The following EXOSC10 variants were observed in gnomAD, a reference collection of about 807,000 sequenced individuals.
EXOSC10 encodes the protein exosome complex component 10.
In EXOSC10, 94 loss-of-function variants were observed where a neutral mutation model predicts 126.6. That is an observed-to-expected ratio of 0.74 (90% CI 0.63 to 0.88). The LOEUF is 0.88. EXOSC10 is among the 40% of genes least tolerant of loss of function. The pLI is 0.00. For missense variants in EXOSC10, 1,041 were observed against 1,100.5 expected, an observed-to-expected ratio of 0.95 and a Z score of 0.77; for synonymous variants, 395 against 400.8, an observed-to-expected ratio of 0.99 and a Z score of 0.17.
At chr1:11,074,091 G>T in intron 18 of EXOSC10, 83 bp from the exon 19 acceptor site, 1 of 1,444,432 alleles carries the variant, frequency 6.9e-7, no homozygotes, top group Non-Finnish European at 9.7e-7. Flanking sequence ...ATGGGGGGTT[G>T]CTGGTGCCTT....
intron 2 of EXOSC10, among the ~76,000 whole-genome samples, chr1:11,096,802 A>G (rs1641123654): frequency 1.3e-5 from 2 of 152,240 alleles, no homozygotes; most frequent in South Asian, 2.1e-4. Flanking sequence ...GATGAAACCA[A>G]TAAAACTTGC....
Position 11,098,154 on chromosome 1 carries a change from A to C in EXOSC10, c.114T>G (p.Phe38Leu), listed in dbSNP as rs1641221233. Residue 38 changes from phenylalanine (F) to leucine (L), a missense_variant and splice_region_variant, in exon 2 of 25, where the codon TTT (phenylalanine) becomes TTG (leucine). Around this residue, in one of 3 missense-constraint regions of EXOSC10, gnomAD observed 645 missense variants for 656.3 expected, o/e 0.98. Transcript: ENST00000376936. ...TGACTGCCACCACGGACCCAAGAGC[A>C]AACTGTCAAAAACAAGAAAAGATGG... The part of the protein sequence containing the change: ...GFPDADSFVK[F>L]ALGSVVAVTK... 6.3e-7 allele frequency: 1 copy of C among 1,589,518 alleles called. No homozygotes were observed. Among genetic ancestry groups the C allele is most frequent in the Non-Finnish European group, 8.5e-7 (1 of 1,173,540 alleles).
rs146752209 is a variant in EXOSC10, at chr1:11,086,533, G to A, written c.1089+915C>T. ...ATTTTTCTTTATTAGTCTTGCTAGCGGTCTATCAATTCCAAAATTGACCAC... is the reference window on the plus strand; with the variant it reads ...ATTTTTCTTTATTAGTCTTGCTAGCAGTCTATCAATTCCAAAATTGACCAC... On this transcript the variant is annotated intron_variant, in intron 9 of 24. Coordinates refer to ENST00000376936, the MANE Select transcript of EXOSC10 (RefSeq NM_001001998.3). Among the ~76,000 whole-genome samples the A allele has an allele frequency of 3.5e-4, 53 of 151,908 alleles. 1 individual carries two copies. Among genetic ancestry groups the A allele is most frequent in the African/African-American group, 7.0e-4 (29 of 41,396 alleles).
At position 11,087,786 on chromosome 1, in the gene EXOSC10, C is replaced by G; in HGVS notation, c.945+14G>C. On this transcript the variant is annotated intron_variant, in intron 8 of 24. Coordinates refer to ENST00000376936, the MANE Select transcript of EXOSC10 (RefSeq NM_001001998.3). Reference sequence around the variant, plus strand: ...AAAATGTAAAAATTTTACCCAGGGTCATTTATAAGATACCTCCAAGTCAAC... The same window carrying G: ...AAAATGTAAAAATTTTACCCAGGGTGATTTATAAGATACCTCCAAGTCAAC... 1 of 1,595,524 alleles carries G rather than the reference C, an allele frequency of 6.3e-7. No homozygotes were observed. The highest frequency in any genetic ancestry group is 8.6e-7 in the Non-Finnish European group (1 of 1,167,818).
intron 20 of EXOSC10, 86 bp downstream of exon 20, chr1:11,072,001 C>A: frequency 9.2e-7 from 1 of 1,091,170 alleles, no homozygotes; most frequent in Non-Finnish European, 1.4e-6. Flanking sequence ...CTTCATTCAT[C>A]GCCGTATCTG....
At chr1:11,066,855 G>T in intron 24 of EXOSC10, 107 bp from the exon 25 acceptor site, 2 of 1,379,344 alleles carry the variant, frequency 1.4e-6, no homozygotes, top group Non-Finnish European at 2.1e-6. Context: ...GAGGAAGAAT[G>T]GTTTGCTCAG....
intron 2 of EXOSC10, 109 bp from the exon 3 acceptor site, chr1:11,095,990 T>A: frequency 3.8e-6 from 3 of 780,866 alleles, no homozygotes; most frequent in Non-Finnish European, 5.3e-6. Context: ...CAACACATCT[T>A]TTTTTTTTTT....
intron 20 of EXOSC10, chr1:11,071,829 G>A (rs906107617): frequency 3.4e-5 from 14 of 412,140 alleles, no homozygotes; most frequent in South Asian, 2.7e-4. Flanking sequence ...TGCAGGTCTC[G>A]TCAATGTCGC....
At chr1:11,070,505 G>C (rs1323034553) in intron 21 of EXOSC10, among the ~76,000 whole-genome samples, 2 of 130,346 alleles carry the variant, frequency 1.5e-5, no homozygotes, top group Non-Finnish European at 3.2e-5. Context: ...CTGTGCAACA[G>C]AGGTAGACAC....
At chr1:11,069,259 G>GAGAGAGAGAGAGAGAGAGAGAGAGAGA (rs1553164212) in intron 22 of EXOSC10, among the ~76,000 whole-genome samples, 3 of 132,398 alleles carry the variant, frequency 2.3e-5, no homozygotes, top group Admixed American at 8.3e-5. Context: ...GAGAGAGAGA[G>GAGAGAGAGAGAGAGAGAGAGAGAGAGA]GGTTTATGGG....
chr1:11,089,334 G>A (rs1640670476), intron 6 of EXOSC10, among the ~76,000 whole-genome samples: 1 of 151,804 alleles, frequency 6.6e-6, no homozygotes, highest in Admixed American at 6.6e-5. Flanking sequence ...ATGGGGCTGG[G>A]TGCGGTGGCT....
chr1:11,079,637 A>G (rs994531808), intron 14 of EXOSC10, 74 bp downstream of exon 14: 6 of 1,246,638 alleles, frequency 4.8e-6, no homozygotes, highest in Non-Finnish European at 6.9e-6. Context: ...GAAATGATCC[A>G]GCCACCTCAG....
chr1:11,074,163 A>G, intron 18 of EXOSC10, 68 bp downstream of exon 18: 1 of 1,448,192 alleles, frequency 6.9e-7, no homozygotes, highest in Non-Finnish European at 9.7e-7. Flanking sequence ...CTTCCTTCCC[A>G]GGTAAAAGCA....
intron 19 of EXOSC10, chr1:11,073,069 C>T (rs1639599598): frequency 6.6e-6 from 1 of 152,220 alleles, no homozygotes; most frequent in Non-Finnish European, 1.5e-5. Flanking sequence ...TACTTTACTA[C>T]ATATAGATTA....
rs1463686505 is a variant in EXOSC10, at chr1:11,091,016, T to C, written c.641A>G (p.Gln214Arg). The C allele has an allele frequency of 6.2e-7, 1 of 1,613,624 alleles. No individual in the cohort carries two copies. Among genetic ancestry groups the C allele is most frequent in the Admixed American group, 1.7e-5 (1 of 59,862 alleles). The change falls in exon 5 of 25, where the codon CAA (glutamine) becomes CGA (arginine). Residue 214 changes from glutamine to arginine, a missense_variant and splice_region_variant. By Grantham distance (43) the Gln-to-Arg change is conservative (BLOSUM62 1). This residue lies in a region of EXOSC10 where 645 missense variants were observed against 656.3 expected (regional missense o/e 0.98). Coordinates refer to ENST00000376936, the MANE Select transcript of EXOSC10 (RefSeq NM_001001998.3). ...CAGGCAAAGTATGCACTATTTACCTTGAGGGAGAGGTTTCTGAGCATTGGG... is the reference window on the plus strand; with the variant it reads ...CAGGCAAAGTATGCACTATTTACCTCGAGGGAGAGGTTTCTGAGCATTGGG... The part of the protein sequence containing the change: ...IKPNAQKPLP[Q>R]ALSKERRERP...
chr1:11,079,962 G>T, intron 13 of EXOSC10, 140 bp from the exon 14 acceptor site: 1 of 693,342 alleles, frequency 1.4e-6, no homozygotes, highest in South Asian at 1.8e-5. Context: ...AAACACTGAT[G>T]TCAGGCCAGC....
intron 2 of EXOSC10, among the ~76,000 whole-genome samples, chr1:11,096,087 G>A (rs775606035): frequency 5.3e-5 from 8 of 151,948 alleles, no homozygotes; most frequent in Middle Eastern, 3.2e-3. Context: ...GGGTTCAAGC[G>A]ATTCTCGTGT....
intron 14 of EXOSC10, among the ~76,000 whole-genome samples, chr1:11,079,487 G>A (rs1303561095): frequency 6.8e-6 from 1 of 146,186 alleles, no homozygotes; most frequent in African/African-American, 2.5e-5. Flanking sequence ...TCCGCCTCCC[G>A]GATTCAAGCA....
At position 11,080,765 on chromosome 1, in the gene EXOSC10, C is replaced by G. The variant is rs373113049; in HGVS notation, c.1585G>C (p.Gly529Arg). 7 of 1,614,130 alleles carry G rather than the reference C, an allele frequency of 4.3e-6. No homozygotes were observed. The highest frequency in any genetic ancestry group is 5.9e-6 in the Non-Finnish European group (7 of 1,180,018). The change falls in exon 12 of 25, where the codon GGA becomes CGA. Residue 529 changes from glycine to arginine, a missense_variant and splice_region_variant. Gly to Arg is a moderately radical substitution (Grantham distance 125). This residue lies in a region of EXOSC10 where 8 missense variants were observed against 29.0 expected (regional missense o/e 0.28). Transcript: ENST00000376936. ...TTAAAAGAACCTCTAATCCCTTACC[C>G]GTAACTTTCATCTTCCCTGCGAGCT... ...KTARREDESY[G>R]YVLPNHMMLK...
Sources: gnomAD v4.1 joint callset for allele counts (sites outside exome capture counted in the v4.1 genomes callset) on GRCh38, gnomAD v4.1.1 for gene constraint, gnomAD v4.1.1 regional missense constraint, MANE v1.5 for transcripts, NCBI Gene and HGNC (gene_info 2026-07-23, HGNC 2026-07-21) for gene names.